Variants in NPAS3 observed in about 807,000 individuals in gnomAD.
The protein encoded by NPAS3 is neuronal PAS domain-containing protein 3.
NPAS3 carries 14 observed loss-of-function variants against 73.1 expected under a neutral mutation model. That is an observed-to-expected ratio of 0.19 (90% CI 0.13 to 0.30). NPAS3 has a LOEUF of 0.30. Ranked by LOEUF, NPAS3 falls within the 10% of genes least tolerant of loss-of-function variation. The pLI, the probability that NPAS3 is intolerant of heterozygous loss-of-function variation, is 1.00. For missense variants in NPAS3, 1,096 were observed against 1,250.0 expected (o/e 0.88, Z 1.86); for synonymous variants, 620 against 541.5 (o/e 1.14, Z -2.01).
intron 4 of NPAS3, among the ~76,000 whole-genome samples, chr14:33,377,554 C>A (rs140597269): frequency 2.0e-5 from 3 of 152,212 alleles, no homozygotes; most frequent in Admixed American, 6.5e-5. Context: ...GAAGGGAGAA[C>A]TTCTCAGAAG....
intron 4 of NPAS3, among the ~76,000 whole-genome samples, chr14:33,376,550 A>G (rs945768013): frequency 1.3e-5 from 2 of 152,224 alleles, no homozygotes; most frequent in Non-Finnish European, 2.9e-5. Context: ...AAATAAAAAA[A>G]TGAACAAAGA....
chr14:33,659,145 T>C (rs1359244406), intron 5 of NPAS3, among the ~76,000 whole-genome samples: 2 of 152,234 alleles, frequency 1.3e-5, no homozygotes, highest in African/African-American at 4.8e-5. Flanking sequence ...CTGAAGAAGC[T>C]TACAGTCAAG....
intron 2 of NPAS3, among the ~76,000 whole-genome samples, chr14:33,061,624 T>C (rs1482872632): frequency 6.6e-6 from 1 of 152,186 alleles, no homozygotes; most frequent in Non-Finnish European, 1.5e-5. Flanking sequence ...TATTTAGGGG[T>C]TATTCTAGAC....
chr14:33,173,596 T>G (rs2045476561), intron 2 of NPAS3, among the ~76,000 whole-genome samples: 1 of 152,220 alleles, frequency 6.6e-6, no homozygotes, highest in Non-Finnish European at 1.5e-5. Flanking sequence ...GTTTCAAGAA[T>G]GAATATTTAG....
At chr14:33,449,904 G>A (rs1344407949) in intron 4 of NPAS3, among the ~76,000 whole-genome samples, 2 of 152,116 alleles carry the variant, frequency 1.3e-5, no homozygotes, top group African/African-American at 2.4e-5. Context: ...TGAAATCTGC[G>A]TAAGTGTTCC....
chr14:33,011,527 G>GAC lies in NPAS3; in HGVS notation c.51-44376_51-44375dup, dbSNP rs368783102. Among the ~76,000 whole-genome samples the GAC allele has an allele frequency of 3.5e-3, 535 of 150,940 alleles. 8 individuals are homozygous for GAC. The highest frequency in any genetic ancestry group is 0.012 in the African/African-American group (505 of 41,298). On this transcript the variant is annotated intron_variant, in intron 1 of 11. Coordinates refer to ENST00000356141, the Ensembl canonical transcript of NPAS3. The stretch of plus-strand genomic sequence containing the variant: ...TGGAGAACATTGAAAACTCCACACA[G>GAC]ACAGTGGCCCTGGCTAGAAATCAGT...
intron 3 of NPAS3, among the ~76,000 whole-genome samples, chr14:33,228,005 T>C (rs1301472623): frequency 2.0e-5 from 3 of 152,188 alleles, no homozygotes; most frequent in Non-Finnish European, 4.4e-5. Context: ...AAAAATGGCA[T>C]AGTTGGACCT....
At chr14:33,500,372 G>C (rs1167983961) in intron 4 of NPAS3, among the ~76,000 whole-genome samples, 1 of 151,830 alleles carries the variant, frequency 6.6e-6, no homozygotes. Context: ...TATATGCTCC[G>C]AGGAAAAGAT....
At chr14:33,663,379 C>T (rs1017144229) in intron 5 of NPAS3, among the ~76,000 whole-genome samples, 9 of 151,834 alleles carry the variant, frequency 5.9e-5, no homozygotes, top group African/African-American at 1.9e-4. Context: ...TATTGATTTG[C>T]GTATGTTGAA....
intron 9 of NPAS3, among the ~76,000 whole-genome samples, chr14:33,792,716 A>G (rs904984954): frequency 2.6e-5 from 4 of 152,256 alleles, no homozygotes; most frequent in Non-Finnish European, 5.9e-5. Context: ...TTAGAGCAAG[A>G]TGATTAATGC....
chr14:33,411,300 A>T (rs1414590252), intron 4 of NPAS3, among the ~76,000 whole-genome samples: 1 of 152,110 alleles, frequency 6.6e-6, no homozygotes, highest in Admixed American at 6.5e-5. Context: ...CTCCTGCCGC[A>T]GCCTCCCAAG....
chr14:33,047,101 G>A (rs778805059), intron 1 of NPAS3, among the ~76,000 whole-genome samples: 2 of 152,192 alleles, frequency 1.3e-5, no homozygotes, highest in Non-Finnish European at 2.9e-5. Flanking sequence ...GGAGTCGTTG[G>A]CATATAAGGT....
At chr14:33,674,310 A>G (rs2059694188) in intron 5 of NPAS3, among the ~76,000 whole-genome samples, 1 of 152,234 alleles carries the variant, frequency 6.6e-6, no homozygotes, top group South Asian at 2.1e-4. Flanking sequence ...TGAAGTATTA[A>G]AGGAAAAAAT....
chr14:33,023,821 A>G (rs2039692722), intron 1 of NPAS3, among the ~76,000 whole-genome samples: 1 of 152,172 alleles, frequency 6.6e-6, no homozygotes, highest in African/African-American at 2.4e-5. Context: ...AGACCATGCA[A>G]AAATCCATCA....
chr14:33,280,967 C>T (rs1210316422), intron 3 of NPAS3, among the ~76,000 whole-genome samples: 1 of 152,174 alleles, frequency 6.6e-6, no homozygotes, highest in Non-Finnish European at 1.5e-5. Flanking sequence ...AAAACCATTA[C>T]TCCTTATATA....
At position 33,045,899 on chromosome 14, in the gene NPAS3, T is replaced by C. The variant is rs150492353; in HGVS notation, c.51-10006T>C. Among the ~76,000 whole-genome samples, 522 of 152,314 alleles carry C rather than the reference T, an allele frequency of 3.4e-3. 3 individuals carry two copies. Among genetic ancestry groups the C allele is most frequent in the African/African-American group, 0.011 (449 of 41,572 alleles). ...TTCTGAGCCTATTCTGAGGTGGTTTTAGATATAGAGGATCTGGACCATATG... is the reference window on the plus strand; with the variant it reads ...TTCTGAGCCTATTCTGAGGTGGTTTCAGATATAGAGGATCTGGACCATATG... On this transcript the variant is annotated intron_variant, in intron 1 of 11. Transcript: ENST00000356141.
chr14:33,579,896 G>A (rs2056596152), intron 5 of NPAS3, among the ~76,000 whole-genome samples: 1 of 152,108 alleles, frequency 6.6e-6, no homozygotes, highest in African/African-American at 2.4e-5. Context: ...AAAGCATCTG[G>A]ATGTTTGGTA....
intron 2 of NPAS3, among the ~76,000 whole-genome samples, chr14:33,197,237 CTGTGTGTGTGTG>C (rs11268151): frequency 4.4e-5 from 6 of 135,302 alleles, no homozygotes; most frequent in South Asian, 5.7e-4. Context: ...CTCCAGCAGG[CTGTGTGTGTGTG>C]TGTGTGTGTG....
intron 3 of NPAS3, among the ~76,000 whole-genome samples, chr14:33,341,345 A>G (rs1410207483): frequency 1.3e-5 from 2 of 152,244 alleles, no homozygotes; most frequent in African/African-American, 4.8e-5. Context: ...AGGAATTTTA[A>G]AACAAAATTT....
Sources: gnomAD v4.1 joint callset for allele counts (sites outside exome capture counted in the v4.1 genomes callset) on GRCh38, gnomAD v4.1.1 for gene constraint, MANE v1.5 for transcripts, NCBI Gene and HGNC (gene_info 2026-07-23, HGNC 2026-07-21) for gene names.